The following DNAH5 variants were observed in gnomAD, a reference collection of about 807,000 sequenced individuals.
DNAH5 encodes the protein axonemal beta dynein heavy chain 5.
DNAH5 carries 372 observed loss-of-function variants against 518.2 expected under a neutral mutation model. The observed-to-expected ratio is 0.72, with a 90% CI of 0.66 to 0.78. The LOEUF is 0.78. Ranked by LOEUF, DNAH5 falls within the 30% of genes least tolerant of loss-of-function variation. The probability of loss-of-function intolerance (pLI) is 0.00; values close to 1 mark genes in which losing one functional copy is unlikely to be tolerated. For synonymous variants in DNAH5, 2,039 were observed against 2,025.9 expected (o/e 1.01, Z -0.17); for missense variants, 5,523 against 5,687.0 (o/e 0.97, Z 0.93).
intron 76 of DNAH5, among the ~76,000 whole-genome samples, chr5:13,706,971 G>T (rs1410757000): frequency 6.6e-6 from 1 of 152,174 alleles, no homozygotes; most frequent in Non-Finnish European, 1.5e-5. Context: ...AGGCACTCTT[G>T]TTTTCGTGCC....
rs187023993 is a variant in DNAH5 at position 13,820,456 on chromosome 5, T to A, written c.6731A>T (p.Lys2244Met). 2.3e-4 allele frequency: 378 copies of A among 1,614,118 alleles called. No individual in the cohort carries two copies. The highest frequency in any genetic ancestry group is 4.3e-4 in the Admixed American group (26 of 60,026). The change falls in exon 41 of 79, where the codon AAG becomes ATG. Residue 2244 changes from lysine to methionine, a missense_variant. Physicochemically the swap from Lys to Met is moderately conservative, Grantham distance 95 (BLOSUM62 -1). This residue lies in a region of DNAH5 where 5,121 missense variants were observed against 5,223.3 expected (regional missense o/e 0.98). Transcript: ENST00000265104. ...GLINHPPWKL[K>M]VIQLFETQRV... is the part of the protein sequence containing the mutation. Reference sequence around the variant, plus strand: ...CTGCGTTTCGAATAGCTGGATGACCTTCAGTTTCCAAGGAGGATGGTTGAT... The same window carrying A: ...CTGCGTTTCGAATAGCTGGATGACCATCAGTTTCCAAGGAGGATGGTTGAT...
intron 75 of DNAH5, among the ~76,000 whole-genome samples, chr5:13,713,320 T>C (rs1743800778): frequency 6.8e-6 from 1 of 145,990 alleles, no homozygotes; most frequent in African/African-American, 2.5e-5. Flanking sequence ...TATACCGACA[T>C]ATATATACCG....
intron 76 of DNAH5, among the ~76,000 whole-genome samples, chr5:13,703,431 C>A (rs1489831802): frequency 1.3e-5 from 2 of 152,174 alleles, no homozygotes; most frequent in Admixed American, 6.5e-5. Flanking sequence ...TGATTTGAAC[C>A]TGGGTATTCT....
rs191661295 is a variant in DNAH5 at position 13,917,675 on chromosome 5, A to G, written c.976-419T>C. Reference sequence around the variant, plus strand: ...TGTAGTAATTGTTTATTATCTGCCAACTGTATGCCAGTACTGTGCTATGAG... The same window carrying G: ...TGTAGTAATTGTTTATTATCTGCCAGCTGTATGCCAGTACTGTGCTATGAG... On this transcript the variant is annotated intron_variant, in intron 7 of 78. Coordinates refer to ENST00000265104, the MANE Select transcript of DNAH5 (RefSeq NM_001369.3). Among the ~76,000 whole-genome samples the G allele has an allele frequency of 1.0e-3, 159 of 152,264 alleles. 2 individuals are homozygous for G. Among genetic ancestry groups the G allele is most frequent in the African/African-American group, 3.6e-3 (151 of 41,556 alleles).
In DNAH5 at chr5:13,786,486, T is replaced by C. The variant is rs151204587; in HGVS notation, c.8648-135A>G. On this transcript the variant is annotated intron_variant, in intron 51 of 78. Coordinates refer to ENST00000265104, the MANE Select transcript of DNAH5 (RefSeq NM_001369.3). ...TTAAGCTAAATGCCATAGTGTGTAT[T>C]TTGCAAAAACAGAAGACAACAATAG... 1,126 of 943,430 alleles carry C rather than the reference T, an allele frequency of 1.2e-3. 1 individual carries two copies. The highest frequency in any genetic ancestry group is 1.6e-3 in the Non-Finnish European group (969 of 614,890). 58.4% of individuals were successfully genotyped at this position (943,430 alleles called of 1,614,324 possible).
At chr5:13,889,344 G>C (rs184727457) in intron 17 of DNAH5, among the ~76,000 whole-genome samples, 5 of 152,198 alleles carry the variant, frequency 3.3e-5, no homozygotes, top group South Asian at 4.1e-4. Context: ...CACAGTTAGT[G>C]AATGTGAGGA....
At chr5:13,699,099 A>G (rs935130891) in intron 78 of DNAH5, among the ~76,000 whole-genome samples, 1 of 152,176 alleles carries the variant, frequency 6.6e-6, no homozygotes, top group African/African-American at 2.4e-5. Context: ...GTCAGTAAGT[A>G]GTTACTGAAT....
At chr5:13,857,749 C>G (rs553707861) in intron 30 of DNAH5, among the ~76,000 whole-genome samples, 7 of 152,262 alleles carry the variant, frequency 4.6e-5, no homozygotes, top group African/African-American at 1.7e-4. Flanking sequence ...CCTGACAAAA[C>G]AAGCAATAGG....
intron 1 of DNAH5, among the ~76,000 whole-genome samples, chr5:13,958,542 G>T (rs973412858): frequency 6.6e-6 from 1 of 152,046 alleles, no homozygotes; most frequent in Non-Finnish European, 1.5e-5. Context: ...AAAAGGAATA[G>T]GTGCCTCAAT....
At chr5:13,728,245 C>T (rs1346188552) in intron 69 of DNAH5, among the ~76,000 whole-genome samples, 1 of 152,160 alleles carries the variant, frequency 6.6e-6, no homozygotes, top group African/African-American at 2.4e-5. Context: ...ACATTATCCT[C>T]TGCAGCTTAA....
intron 75 of DNAH5, among the ~76,000 whole-genome samples, chr5:13,711,102 G>C (rs1243134472): frequency 1.3e-5 from 2 of 152,142 alleles, no homozygotes; most frequent in African/African-American, 2.4e-5. Context: ...GATGGACATA[G>C]ATGCTAAAAT....
chr5:13,857,058 G>A (rs1476748120), intron 30 of DNAH5, among the ~76,000 whole-genome samples: 1 of 152,218 alleles, frequency 6.6e-6, no homozygotes, highest in East Asian at 1.9e-4. Flanking sequence ...AATAGGAAAA[G>A]AGGAAGTCAA....
At chr5:13,807,521 T>C in intron 47 of DNAH5, 70 bp downstream of exon 47, 2 of 1,431,968 alleles carry the variant, frequency 1.4e-6, no homozygotes, top group Admixed American at 3.5e-5. Flanking sequence ...TGAAGCAGAA[T>C]AGTAGAGATT....
chr5:13,799,300 C>A (rs867413661), intron 47 of DNAH5, among the ~76,000 whole-genome samples: 3 of 150,992 alleles, frequency 2.0e-5, no homozygotes, highest in African/African-American at 7.3e-5. Flanking sequence ...CCAACTAGGA[C>A]TTCCAGACAT....
chr5:13,809,589 A>C (rs34136905), intron 45 of DNAH5, among the ~76,000 whole-genome samples: 6,398 of 152,282 alleles, frequency 0.042, 191 homozygotes, highest in Non-Finnish European at 0.065. Context: ...TAGTTAATAC[A>C]TTATTATACA....
intron 16 of DNAH5, 152 bp from the exon 17 acceptor site, chr5:13,891,273 T>C: frequency 1.3e-6 from 1 of 778,578 alleles, no homozygotes; most frequent in Non-Finnish European, 2.1e-6. Context: ...TCACACTTGG[T>C]TGTCGCTAAT....
chr5:13,907,441 C>A (rs959386540), intron 12 of DNAH5, among the ~76,000 whole-genome samples: 2 of 151,724 alleles, frequency 1.3e-5, no homozygotes, highest in Admixed American at 6.6e-5. Flanking sequence ...CGCCACCCCC[C>A]AAAAAAAGAA....
intron 21 of DNAH5, among the ~76,000 whole-genome samples, chr5:13,881,091 A>G (rs1771612081): frequency 6.6e-6 from 1 of 152,068 alleles, no homozygotes; most frequent in Admixed American, 6.5e-5. Context: ...AAATTCTTCA[A>G]AATTATATTA....
chr5:14,010,374 T>A (rs1232629687), intron 1 of DNAH5, among the ~76,000 whole-genome samples: 1 of 152,180 alleles, frequency 6.6e-6, no homozygotes, highest in African/African-American at 2.4e-5. Flanking sequence ...GCAAGCATAA[T>A]TAATAAAATA....
Sources: gnomAD v4.1 joint callset for allele counts (sites outside exome capture counted in the v4.1 genomes callset) on GRCh38, gnomAD v4.1.1 for gene constraint, gnomAD v4.1.1 regional missense constraint, MANE v1.5 for transcripts, NCBI Gene and HGNC (gene_info 2026-07-23, HGNC 2026-07-21) for gene names.